GRAP2: variants seen among roughly 807,000 people sequenced by gnomAD.
The protein encoded by GRAP2 is GRB2 related adaptor protein 2, also known as GRB2-related adapter protein 2.
A neutral mutation model predicts 43.5 loss-of-function variants in GRAP2; 31 were observed. The ratio of observed to expected loss-of-function variants is 0.71; its 90% CI spans 0.54 to 0.96. The LOEUF is 0.96. GRAP2 is among the 40% of genes least tolerant of loss of function. The probability of loss-of-function intolerance (pLI) is 0.00; values close to 1 mark genes in which losing one functional copy is unlikely to be tolerated. For missense variants in GRAP2, 371 were observed against 424.4 expected (o/e 0.87, Z 1.11); for synonymous variants, 156 against 164.8 (o/e 0.95, Z 0.41).
At chr22:39,910,606 A>G (rs2066554704) in intron 1 of GRAP2, among the ~76,000 whole-genome samples, 1 of 151,742 alleles carries the variant, frequency 6.6e-6, no homozygotes, top group Non-Finnish European at 1.5e-5. Context: ...ACGGGGTTTC[A>G]CCATGTTGGT....
chr22:39,943,039 G>T (rs1026711231), intron 1 of GRAP2, among the ~76,000 whole-genome samples: 1 of 152,198 alleles, frequency 6.6e-6, no homozygotes, highest in Admixed American at 6.5e-5. Context: ...ACATAGCTTT[G>T]TGGTGTTATG....
At chr22:39,935,908 C>A (rs1193499829) in intron 1 of GRAP2, among the ~76,000 whole-genome samples, 1 of 152,154 alleles carries the variant, frequency 6.6e-6, no homozygotes, top group Non-Finnish European at 1.5e-5. Flanking sequence ...ATTTGTGAAC[C>A]ATGTCACAGC....
intron 2 of GRAP2, among the ~76,000 whole-genome samples, chr22:39,953,976 C>G (rs775527390): frequency 1.8e-4 from 28 of 152,168 alleles, no homozygotes; most frequent in Admixed American, 9.2e-4. Context: ...TAAGGGCTCC[C>G]CCTACATTTC....
intron 4 of GRAP2, among the ~76,000 whole-genome samples, chr22:39,965,674 T>C (rs927174136): frequency 6.6e-6 from 1 of 152,230 alleles, no homozygotes; most frequent in Non-Finnish European, 1.5e-5. Context: ...AGGTCTTTGA[T>C]CTCTTTGTCG....
chr22:39,924,482 A>T (rs958395319), intron 1 of GRAP2, among the ~76,000 whole-genome samples: 1 of 152,156 alleles, frequency 6.6e-6, no homozygotes, highest in African/African-American at 2.4e-5. Flanking sequence ...GGGTGGATCA[A>T]CTGAGGTCAG....
At chr22:39,960,211 G>A (rs377539044) in intron 4 of GRAP2, 37 bp downstream of exon 4, 42 of 1,601,502 alleles carry the variant, frequency 2.6e-5, no homozygotes, top group Non-Finnish European at 3.3e-5. Flanking sequence ...GGCCCTTCTC[G>A]GCCTGTTAAC....
At chr22:39,958,390 C>A (rs777688710) in intron 3 of GRAP2, among the ~76,000 whole-genome samples, 1 of 152,178 alleles carries the variant, frequency 6.6e-6, no homozygotes, top group African/African-American at 2.4e-5. Context: ...TCATCTGGCA[C>A]GCTTCAGATC....
At chr22:39,902,209 T>G (rs2066497787) in intron 1 of GRAP2, among the ~76,000 whole-genome samples, 1 of 152,216 alleles carries the variant, frequency 6.6e-6, no homozygotes, top group African/African-American at 2.4e-5. Flanking sequence ...GTGTTCTCGT[T>G]ATGTTATCTG....
intron 1 of GRAP2, among the ~76,000 whole-genome samples, chr22:39,918,959 T>C (rs535692537): frequency 2.0e-5 from 3 of 152,300 alleles, no homozygotes; most frequent in South Asian, 4.1e-4. Flanking sequence ...AGCTGAAATA[T>C]ACTACATCAA....
chr22:39,956,058 A>C, intron 3 of GRAP2, 148 bp downstream of exon 3: 1 of 586,648 alleles, frequency 1.7e-6, no homozygotes, highest in South Asian at 2.1e-5. Flanking sequence ...CAGAGCATGC[A>C]GCTGAAGGCC....
At chr22:39,958,545 T>TTGAATGAA (rs137999) in intron 3 of GRAP2, among the ~76,000 whole-genome samples, 33 of 151,378 alleles carry the variant, frequency 2.2e-4, no homozygotes, top group South Asian at 1.7e-3. Context: ...AGTAAAGCTG[T>TTGAATGAA]TGAATGAATG....
intron 1 of GRAP2, among the ~76,000 whole-genome samples, chr22:39,923,046 A>C (rs1324931669): frequency 6.6e-6 from 1 of 152,030 alleles, no homozygotes; most frequent in East Asian, 1.9e-4. Context: ...AGTTAAAAAA[A>C]AAAAAAAAAA....
intron 2 of GRAP2, chr22:39,947,909 A>G (rs2066940631): frequency 6.6e-6 from 1 of 152,234 alleles, no homozygotes. Context: ...TCAAAAGGGC[A>G]TTTGGGAGTG....
At chr22:39,941,835 G>A (rs987744549) in intron 1 of GRAP2, among the ~76,000 whole-genome samples, 2 of 151,610 alleles carry the variant, frequency 1.3e-5, no homozygotes, top group Non-Finnish European at 2.9e-5. Context: ...ACTCCAAGGT[G>A]AAATGTTCTA....
chr22:39,920,319 G>A (rs2066638660), intron 1 of GRAP2, among the ~76,000 whole-genome samples: 1 of 152,160 alleles, frequency 6.6e-6, no homozygotes, highest in Admixed American at 6.5e-5. Flanking sequence ...TCAAGAAAAT[G>A]TTCACTCATC....
intron 7 of GRAP2, among the ~76,000 whole-genome samples, 153 bp downstream of exon 7, chr22:39,969,686 G>GGT (rs1461180302): frequency 6.6e-6 from 1 of 152,184 alleles, no homozygotes; most frequent in Middle Eastern, 3.2e-3. Context: ...GGCCAAGGCA[G>GGT]GTGGATCACC....
chr22:39,944,239 G>A (rs977172212), intron 1 of GRAP2, among the ~76,000 whole-genome samples: 1 of 152,050 alleles, frequency 6.6e-6, no homozygotes, highest in Non-Finnish European at 1.5e-5. Flanking sequence ...CTTTTTCCCT[G>A]GTGGTAATTT....
At chr22:39,957,254 G>A (rs2067064405) in intron 3 of GRAP2, among the ~76,000 whole-genome samples, 1 of 152,144 alleles carries the variant, frequency 6.6e-6, no homozygotes. Context: ...AATGACCACT[G>A]ACCTTGACGG....
chr22:39,926,687 T>G, intron 1 of GRAP2: 1 of 985,274 alleles, frequency 1.0e-6, no homozygotes, highest in Non-Finnish European at 1.2e-6. Context: ...TTCGTTGCCA[T>G]GCATGAGTCG....
Sources: gnomAD v4.1 joint callset for allele counts (sites outside exome capture counted in the v4.1 genomes callset) on GRCh38, gnomAD v4.1.1 for gene constraint, MANE v1.5 for transcripts, NCBI Gene and HGNC (gene_info 2026-07-23, HGNC 2026-07-21) for gene names.